Variants in ABAT observed in about 807,000 individuals in gnomAD.
ABAT encodes 4-aminobutyrate aminotransferase, also known as 4-aminobutyrate aminotransferase, mitochondrial.
ABAT carries 45 observed loss-of-function variants against 64.6 expected under a neutral mutation model. The observed-to-expected ratio is 0.70, with a 90% CI of 0.55 to 0.89. ABAT has a LOEUF of 0.89. Ranked by LOEUF, ABAT falls within the 40% of genes least tolerant of loss-of-function variation. ABAT has a pLI of 0.00. For missense variants in ABAT, 633 were observed against 658.4 expected (o/e 0.96, Z 0.42); for synonymous variants, 297 against 250.5 (o/e 1.19, Z -1.75).
intron 1 of ABAT, among the ~76,000 whole-genome samples, chr16:8,732,325 A>G (rs1357620996): frequency 6.0e-5 from 9 of 150,558 alleles, no homozygotes; most frequent in Non-Finnish European, 1.3e-4. Context: ...CAGATAAACA[A>G]GTGAACAAAG....
rs1027053688 is a variant in ABAT, at chr16:8,704,647, A to G, written c.-42+29936A>G. 6.6e-5 allele frequency among the ~76,000 whole-genome samples: 10 copies of G among 152,158 alleles called. 1 individual carries two copies. The highest frequency in any genetic ancestry group is 2.2e-4 in the African/African-American group (9 of 41,436). ...TGATTTTGTTTTTTTGTGCCTGTAA[A>G]AAATTGTAGCCAGACTGCATATACA... On this transcript the variant is annotated intron_variant, in intron 1 of 15. Coordinates refer to ENST00000268251, the MANE Select transcript of ABAT (RefSeq NM_020686.6).
At position 8,695,708 on chromosome 16, in the gene ABAT, G is replaced by A. The variant is rs899989341; in HGVS notation, c.-42+20997G>A. ...CCTCCGTTTTCTCATCTGCTAAGTG[G>A]AAAGAAATTTTCCTTGCATTGGAGT... On this transcript the variant is annotated intron_variant, in intron 1 of 15. Transcript: ENST00000268251. 1.3e-5 allele frequency among the ~76,000 whole-genome samples: 2 copies of A among 152,272 alleles called. 1 individual carries two copies. Among genetic ancestry groups the A allele is most frequent in the South Asian group, 4.1e-4 (2 of 4,820 alleles).
Position 8,682,848 on chromosome 16 carries a change from T to G in ABAT, c.-42+8137T>G, listed in dbSNP as rs150308483. Among the ~76,000 whole-genome samples, 73 of 152,336 alleles carry G rather than the reference T, an allele frequency of 4.8e-4. 1 individual carries two copies. In the East Asian group the frequency reaches 0.014, roughly 29 times the overall value. On this transcript the variant is annotated intron_variant, in intron 1 of 15. Coordinates refer to ENST00000268251, the MANE Select transcript of ABAT (RefSeq NM_020686.6). The stretch of plus-strand genomic sequence containing the variant: ...GGAGCTAGCTAGAAATGCAGAATCT[T>G]GGGCCCCACCCAGAACTACAGAATG...
intron 1 of ABAT, among the ~76,000 whole-genome samples, chr16:8,678,514 C>T (rs2057256988): frequency 6.6e-6 from 1 of 152,214 alleles, no homozygotes; most frequent in Admixed American, 6.5e-5. Flanking sequence ...CCCGCTTCTC[C>T]ACCAGGCATC....
At chr16:8,777,228 A>G (rs1286865736) in intron 14 of ABAT, among the ~76,000 whole-genome samples, 1 of 152,050 alleles carries the variant, frequency 6.6e-6, no homozygotes, top group African/African-American at 2.4e-5. Flanking sequence ...CACCAATTTC[A>G]GACATCCCCC....
intron 5 of ABAT, chr16:8,757,240 T>C (rs1156737082): frequency 6.7e-6 from 3 of 445,958 alleles, no homozygotes; most frequent in Non-Finnish European, 1.3e-5. Flanking sequence ...TGATCTCAAC[T>C]CAATGCAACC....
chr16:8,781,968 C>A lies in ABAT; in HGVS notation c.*538C>A. ...AGGGACTGGACAGATCTGAGGAAGG[C>A]CGTAAAATGGGGACAGGAGGATTCA... On this transcript the variant is annotated 3_prime_UTR_variant, in exon 16 of 16. Coordinates refer to ENST00000268251, the MANE Select transcript of ABAT (RefSeq NM_020686.6). The surrounding 1 kb of genome is among the most constrained non-coding windows in gnomAD (Gnocchi z 4.5). 5.3e-6 allele frequency: 1 copy of A among 187,682 alleles called. No individual in the cohort carries two copies. The highest frequency in any genetic ancestry group is 1.2e-4 in the East Asian group (1 of 8,124). The allele number at this position is 187,682 out of a possible 1,614,324, so 11.6% of individuals were successfully genotyped here.
Position 8,764,915 on chromosome 16 carries a change from C to G in ABAT, c.540+85C>G. 8.0e-7 allele frequency: 1 copy of G among 1,242,846 alleles called. No individual in the cohort carries two copies. Among genetic ancestry groups the G allele is most frequent in the Non-Finnish European group, 1.2e-6 (1 of 848,488 alleles). 77.0% of individuals were successfully genotyped at this position (1,242,846 alleles called of 1,614,324 possible). A position where few individuals can be genotyped will look rare whatever the true frequency, so the allele number is the denominator to read the frequency against. ...CTCACCCCTTGTCTGACTGTTCATT[C>G]CAATGGGCTGGAGTATTAGACATCA... On this transcript the variant is annotated intron_variant, in intron 8 of 15. Transcript: ENST00000268251. The surrounding 1 kb of genome is among the most constrained non-coding windows in gnomAD (Gnocchi z 4.2).
intron 1 of ABAT, among the ~76,000 whole-genome samples, chr16:8,680,076 C>G (rs1278053554): frequency 6.6e-6 from 1 of 152,128 alleles, no homozygotes; most frequent in Non-Finnish European, 1.5e-5. Flanking sequence ...TACAGGTAGT[C>G]TTCCCCGACC....
chr16:8,705,171 A>G, intron 1 of ABAT, among the ~76,000 whole-genome samples: 1 of 152,192 alleles, frequency 6.6e-6, no homozygotes, highest in East Asian at 1.9e-4. Flanking sequence ...TAATTGACTC[A>G]CAGTTCCACA....
intron 2 of ABAT, among the ~76,000 whole-genome samples, chr16:8,743,886 G>GAGT (rs1391756173): frequency 2.0e-5 from 3 of 152,040 alleles, no homozygotes; most frequent in African/African-American, 7.2e-5. Flanking sequence ...GAAAGATCAA[G>GAGT]AGTAACACTG....
intron 1 of ABAT, among the ~76,000 whole-genome samples, chr16:8,728,619 T>C (rs1322090271): frequency 2.6e-5 from 4 of 152,212 alleles, no homozygotes; most frequent in Admixed American, 2.6e-4. Context: ...CTCACACCTG[T>C]AATTCCAGCA....
rs760898650 is a variant in ABAT at position 8,774,992 on chromosome 16, A to G, written c.1057A>G (p.Met353Val). The change falls in exon 13 of 16, where the codon ATG (methionine) becomes GTG (valine). Residue 353 changes from methionine (M) to valine (V), a missense_variant. Transcript: ENST00000268251. ...HWGLDDPADV[M>V]TFSKKMMTGG... ...GGGCCTGGATGACCCAGCAGACGTG[A>G]TGACCTTCAGCAAGAAGATGATGAC... 1.2e-5 allele frequency: 19 copies of G among 1,614,214 alleles called. No homozygotes were observed. The South Asian group carries it at 2.1e-4, about 18-fold the overall frequency.
At chr16:8,695,117 T>G (rs1366714422) in intron 1 of ABAT, among the ~76,000 whole-genome samples, 1 of 152,190 alleles carries the variant, frequency 6.6e-6, no homozygotes, top group Admixed American at 6.5e-5. Flanking sequence ...TGAGCTCAGT[T>G]CTTTGTTCTG....
chr16:8,678,664 A>G (rs1319691482), intron 1 of ABAT, among the ~76,000 whole-genome samples: 4 of 152,178 alleles, frequency 2.6e-5, no homozygotes, highest in African/African-American at 9.6e-5. Flanking sequence ...TCACACAGAA[A>G]TGCTCACACT....
Position 8,764,109 on chromosome 16 carries a change from C to G in ABAT, c.407C>G (p.Pro136Arg), listed in dbSNP as rs764604417. The G allele has an allele frequency of 6.2e-7, 1 of 1,613,534 alleles. No homozygotes were observed. Residue 136 changes from proline to arginine, a missense_variant, in exon 7 of 16, where the codon CCG becomes CGG. Coordinates refer to ENST00000268251, the MANE Select transcript of ABAT (RefSeq NM_020686.6). The surrounding 1 kb of genome is among the most constrained non-coding windows in gnomAD (Gnocchi z 4.2). ...AGACCCGCCCTCGGAATCCTGCCTC[C>G]GGAGAACTTTGTGGAGAAGCTCCGG... The part of the protein sequence containing the change: ...VNRPALGILP[P>R]ENFVEKLRQS...
chr16:8,732,717 G>C (rs559668602), intron 1 of ABAT, among the ~76,000 whole-genome samples: 6 of 150,912 alleles, frequency 4.0e-5, no homozygotes, highest in East Asian at 2.0e-4. Context: ...ATCCTGGCCC[G>C]TTCTCAATGA....
intron 1 of ABAT, chr16:8,722,907 T>C (rs1034291677): frequency 1.6e-6 from 2 of 1,269,418 alleles, no homozygotes; most frequent in African/African-American, 3.1e-5. Flanking sequence ...CTTAGCACGC[T>C]TGTCAGGTGT....
At chr16:8,769,702 G>C (rs1024958396) in intron 11 of ABAT, among the ~76,000 whole-genome samples, 3 of 152,136 alleles carry the variant, frequency 2.0e-5, no homozygotes, top group African/African-American at 7.2e-5. Context: ...TGGGTCGGGG[G>C]ATGCTATGGG....
Sources: allele counts gnomAD v4.1 joint callset (sites outside exome capture counted in the v4.1 genomes callset), GRCh38; gene constraint gnomAD v4.1.1; non-coding constraint Gnocchi (gnomAD v3.1); transcripts MANE v1.5; gene names NCBI Gene and HGNC (gene_info 2026-07-23, HGNC 2026-07-21).